The following PIK3AP1 variants were observed in gnomAD, a reference collection of about 807,000 sequenced individuals.
The protein encoded by PIK3AP1 is phosphoinositide-3-kinase adaptor protein 1, also known as phosphoinositide 3-kinase adapter protein 1.
A neutral mutation model predicts 88.1 loss-of-function variants in PIK3AP1; 21 were observed. The ratio of observed to expected loss-of-function variants is 0.24; its 90% confidence interval spans 0.17 to 0.34. The LOEUF is 0.34. Ranked by LOEUF, PIK3AP1 falls within the 10% of genes least tolerant of loss-of-function variation. The probability of loss-of-function intolerance (pLI) is 1.00; values close to 1 mark genes in which losing one functional copy is unlikely to be tolerated. For missense variants in PIK3AP1, 828 were observed against 1,035.7 expected (o/e 0.80, Z 2.75); for synonymous variants, 398 against 400.0 (o/e 1.00, Z 0.06).
chr10:96,689,958 A>G (rs1844129440), intron 2 of PIK3AP1, among the ~76,000 whole-genome samples: 1 of 152,138 alleles, frequency 6.6e-6, no homozygotes, highest in Admixed American at 6.6e-5. Flanking sequence ...CCTGCCTGAC[A>G]TGGCCATTCC....
intron 8 of PIK3AP1, among the ~76,000 whole-genome samples, chr10:96,628,938 C>A (rs1843200369): frequency 8.9e-6 from 1 of 112,610 alleles, no homozygotes; most frequent in African/African-American, 3.3e-5. Context: ...ATGGCAAGGT[C>A]TCAGGCTGGA....
rs575537494 is a variant in PIK3AP1 at position 96,645,527 on chromosome 10, C to G, written c.1321G>C (p.Glu441Gln). Residue 441 changes from glutamate to glutamine, a missense_variant, in exon 8 of 17, where the codon GAG becomes CAG. Physicochemically the swap from Glu to Gln is conservative, Grantham distance 29. Coordinates refer to ENST00000339364, the MANE Select transcript of PIK3AP1 (RefSeq NM_152309.3). Reference sequence around the variant, plus strand: ...GCAGCCATGGACTCATAGAGATCCTCGTCACAGCCGGGGTTGAGCGAGCAT... The same window carrying G: ...GCAGCCATGGACTCATAGAGATCCTGGTCACAGCCGGGGTTGAGCGAGCAT... ...MKCSLNPGCD[E>Q]DLYESMAAFV... The G allele has an allele frequency of 1.1e-5, 17 of 1,613,948 alleles. No homozygotes were observed. The East Asian group carries it at 3.6e-4, about 34-fold the overall frequency.
Position 96,648,023 on chromosome 10 carries a change from G to C in PIK3AP1, c.1185+636C>G, listed in dbSNP as rs186769633. Among the ~76,000 whole-genome samples, 99 of 152,292 alleles carry C rather than the reference G, an allele frequency of 6.5e-4. No homozygotes were observed. In the East Asian group the frequency reaches 0.015, roughly 23 times the overall value. ...CAAACCAGATGATCAGATAAACTGG[G>C]CATACCTGCCTGTCTTAACATGGGA... On this transcript the variant is annotated intron_variant, in intron 7 of 16. Coordinates refer to ENST00000339364, the MANE Select transcript of PIK3AP1 (RefSeq NM_152309.3).
At chr10:96,691,692 T>C (rs1277091330) in intron 2 of PIK3AP1, among the ~76,000 whole-genome samples, 1 of 152,344 alleles carries the variant, frequency 6.6e-6, no homozygotes, top group East Asian at 1.9e-4. Context: ...GCCAGGATAT[T>C]CATTCCTTTC....
intron 13 of PIK3AP1, among the ~76,000 whole-genome samples, chr10:96,610,601 AG>A: frequency 6.6e-6 from 1 of 152,248 alleles, no homozygotes; most frequent in East Asian, 1.9e-4. Flanking sequence ...TAATGAAAGG[AG>A]GTCCTTCAGG....
At chr10:96,602,174 C>T (rs1413479806) in intron 16 of PIK3AP1, 106 bp downstream of exon 16, 29 of 974,234 alleles carry the variant, frequency 3.0e-5, no homozygotes, top group African/African-American at 1.7e-4. Flanking sequence ...TGAGCCACTG[C>T]GCCCAGCTCT....
intron 3 of PIK3AP1, among the ~76,000 whole-genome samples, chr10:96,655,150 A>G (rs1454144135): frequency 2.0e-5 from 3 of 152,160 alleles, no homozygotes; most frequent in Non-Finnish European, 4.4e-5. Context: ...TCGGCCTCCC[A>G]AAGTCTTGGG....
chr10:96,614,314 T>C (rs1049538392), intron 13 of PIK3AP1, among the ~76,000 whole-genome samples: 8 of 152,114 alleles, frequency 5.3e-5, no homozygotes, highest in Admixed American at 3.9e-4. Flanking sequence ...GCATGGACTC[T>C]AGTTTTAAAA....
rs908450814 is a variant in PIK3AP1, at chr10:96,665,954, G to A, written c.431-9020C>T. 1.4e-4 allele frequency among the ~76,000 whole-genome samples: 21 copies of A among 152,296 alleles called. 1 individual carries two copies. The highest frequency in any genetic ancestry group is 2.4e-4 in the Non-Finnish European group (16 of 68,032). Reference sequence around the variant, plus strand: ...ACAGCCTCCACACAGTGCACAGGACGCTGCCACAATAAACCAGCATCCTCT... The same window carrying A: ...ACAGCCTCCACACAGTGCACAGGACACTGCCACAATAAACCAGCATCCTCT... On this transcript the variant is annotated intron_variant, in intron 2 of 16. Transcript: ENST00000339364.
At chr10:96,671,910 C>T (rs756665016) in intron 2 of PIK3AP1, among the ~76,000 whole-genome samples, 26 of 152,016 alleles carry the variant, frequency 1.7e-4, no homozygotes, top group East Asian at 3.9e-4. Context: ...GCATGGTGCA[C>T]GCCTGTAGTC....
intron 2 of PIK3AP1, among the ~76,000 whole-genome samples, chr10:96,694,671 C>T (rs1455119058): frequency 6.6e-6 from 1 of 151,770 alleles, no homozygotes; most frequent in Non-Finnish European, 1.5e-5. Flanking sequence ...GTAGCTGGGA[C>T]CACAGGTGCA....
chr10:96,658,269 G>A (rs1843642197), intron 2 of PIK3AP1, among the ~76,000 whole-genome samples: 2 of 152,126 alleles, frequency 1.3e-5, no homozygotes, highest in African/African-American at 4.8e-5. Flanking sequence ...GAGAAGCAAG[G>A]GTTAGTTTGG....
intron 8 of PIK3AP1, among the ~76,000 whole-genome samples, chr10:96,642,514 A>G (rs1422222913): frequency 2.0e-5 from 3 of 152,114 alleles, no homozygotes; most frequent in Non-Finnish European, 4.4e-5. Context: ...AAAAGGAAGG[A>G]AAAGAAAAGA....
chr10:96,626,910 A>G lies in PIK3AP1; in HGVS notation c.1472-5T>C, dbSNP rs771479008. 1 of 1,611,724 alleles carries G rather than the reference A, an allele frequency of 6.2e-7. No homozygotes were observed. The highest frequency in any genetic ancestry group is 1.1e-5 in the South Asian group (1 of 91,000). On this transcript the variant is annotated splice_region_variant and splice_polypyrimidine_tract_variant and intron_variant, in intron 9 of 16. Coordinates refer to ENST00000339364, the MANE Select transcript of PIK3AP1 (RefSeq NM_152309.3). ...TGGTCATTCCCATGCTGTTGCCTAGAAACGCAGAGAAAGGTGACTGAAAGC... is the reference window on the plus strand; with the variant it reads ...TGGTCATTCCCATGCTGTTGCCTAGGAACGCAGAGAAAGGTGACTGAAAGC...
chr10:96,715,382 G>C (rs1052557759), intron 1 of PIK3AP1, among the ~76,000 whole-genome samples: 12 of 152,076 alleles, frequency 7.9e-5, no homozygotes, highest in Admixed American at 2.0e-4. Flanking sequence ...AACAGAAGAA[G>C]GACATTACAT....
In PIK3AP1 at chr10:96,613,572, T is replaced by C. The variant is rs546133917; in HGVS notation, c.2014+3067A>G. 1.1e-4 allele frequency among the ~76,000 whole-genome samples: 16 copies of C among 152,326 alleles called. No individual in the cohort carries two copies. In the East Asian group the frequency reaches 2.9e-3, roughly 28 times the overall value. On this transcript the variant is annotated intron_variant, in intron 13 of 16. Coordinates refer to ENST00000339364, the MANE Select transcript of PIK3AP1 (RefSeq NM_152309.3). ...ATATCCTTGTCAGAGGGTCTGCTTCTTGGAGAGTCGGGGATGGGGGCTGGA... is the reference window on the plus strand; with the variant it reads ...ATATCCTTGTCAGAGGGTCTGCTTCCTGGAGAGTCGGGGATGGGGGCTGGA...
chr10:96,682,662 A>G (rs1241372605), intron 2 of PIK3AP1, among the ~76,000 whole-genome samples: 1 of 152,182 alleles, frequency 6.6e-6, no homozygotes, highest in Non-Finnish European at 1.5e-5. Flanking sequence ...CGCCCCATTA[A>G]TAGATGCTTT....
intron 8 of PIK3AP1, among the ~76,000 whole-genome samples, chr10:96,638,006 C>T (rs148623887): frequency 4.3e-4 from 65 of 152,188 alleles, no homozygotes; most frequent in African/African-American, 1.4e-3. Context: ...CTTTGGGCTA[C>T]GTACTTTGGA....
chr10:96,648,806 A>G lies in PIK3AP1; in HGVS notation c.1038T>C (p.Tyr346=). The G allele has an allele frequency of 1.3e-6, 2 of 1,599,470 alleles. No individual in the cohort carries two copies. Among genetic ancestry groups the G allele is most frequent in the Non-Finnish European group, 1.7e-6 (2 of 1,173,966 alleles). The stretch of plus-strand genomic sequence containing the variant: ...ACAAGGCAGTGAGGTTCTTCAGTCC[A>G]TACTTCGCAGCAAAATGCAACAGGG... ...LPTLLHFAAK[Y]GLKNLTALLL... Residue 346 remains tyrosine, a synonymous_variant, in exon 7 of 17, where the codon TAT becomes TAC. Coordinates refer to ENST00000339364, the MANE Select transcript of PIK3AP1 (RefSeq NM_152309.3).
Sources: gnomAD v4.1 joint callset for allele counts (sites outside exome capture counted in the v4.1 genomes callset) on GRCh38, gnomAD v4.1.1 for gene constraint, MANE v1.5 for transcripts, NCBI Gene and HGNC (gene_info 2026-07-23, HGNC 2026-07-21) for gene names.